PGA5: variants seen among roughly 807,000 people sequenced by gnomAD.
The protein encoded by PGA5 is pepsin A-5.
In PGA5, 19 loss-of-function variants were observed where a neutral mutation model predicts 15.9. The ratio of observed to expected loss-of-function variants is 1.19; its 90% CI spans 0.83 to 1.75. The LOEUF is 1.75. PGA5 is among the 40% of genes most tolerant of loss of function. The probability of loss-of-function intolerance (pLI) is 0.00; values close to 1 mark genes in which losing one functional copy is unlikely to be tolerated. For missense variants in PGA5, 224 were observed against 246.4 expected (o/e 0.91, Z 0.61); for synonymous variants, 92 against 95.8 (o/e 0.96, Z 0.23).
intron 5 of PGA5, among the ~76,000 whole-genome samples, chr11:61,247,507 G>C (rs2134704452): frequency 6.6e-6 from 1 of 152,070 alleles, no homozygotes; most frequent in South Asian, 2.1e-4. Context: ...TCCATCTCCT[G>C]ACCTCGTGAT....
chr11:61,250,103 G>A (rs1009077317), intron 8 of PGA5, 89 bp downstream of exon 8: 41 of 1,523,284 alleles, frequency 2.7e-5, no homozygotes, highest in Admixed American at 1.9e-4. Flanking sequence ...ACACTTCCAC[G>A]AGCTGAAGCC....
chr11:61,247,978 C>G, intron 5 of PGA5: 2 of 577,742 alleles, frequency 3.5e-6, no homozygotes, highest in Non-Finnish European at 6.2e-6. Context: ...CAAAATGTCT[C>G]CAGACATGCC....
At chr11:61,250,075 CT>C (rs1273548141) in intron 8 of PGA5, 61 bp downstream of exon 8, 4 of 1,575,232 alleles carry the variant, frequency 2.5e-6, no homozygotes, top group East Asian at 2.3e-5. Context: ...ACAGAGTCCC[CT>C]TCTGCAGAGG....
chr11:61,246,623 T>C (rs1445812639), intron 5 of PGA5, among the ~76,000 whole-genome samples: 3 of 151,636 alleles, frequency 2.0e-5, no homozygotes, highest in Admixed American at 2.0e-4. Context: ...ATTAGCCAGG[T>C]ATGATGGCAG....
At chr11:61,246,608 C>G (rs1284171613) in intron 5 of PGA5, among the ~76,000 whole-genome samples, 1 of 151,636 alleles carries the variant, frequency 6.6e-6, no homozygotes, top group African/African-American at 2.4e-5. Context: ...CTAAAAAATA[C>G]AAAAATTAGC....
At chr11:61,248,731 C>T (rs1854100663) in intron 6 of PGA5, among the ~76,000 whole-genome samples, 196 bp downstream of exon 6, 1 of 152,056 alleles carries the variant, frequency 6.6e-6, no homozygotes, top group African/African-American at 2.4e-5. Flanking sequence ...GAGGGAAGAG[C>T]TGTCTGGGAA....
At chr11:61,250,956 T>C (rs598225) in intron 8 of PGA5, among the ~76,000 whole-genome samples, 176 bp from the exon 9 acceptor site, 7,903 of 144,744 alleles carry the variant, frequency 0.055, 415 homozygotes, top group African/African-American at 0.081. Flanking sequence ...GTGCATTGGA[T>C]GGCTTCTACA....
chr11:61,251,420 A>T lies in PGA5; in HGVS notation c.*139A>T, dbSNP rs181222293. ...CTGTTCCCTGTCCTACCAATAACGT[A>T]GAATAAAAACATAACCCACTGAAAC... On this transcript the variant is annotated 3_prime_UTR_variant, in exon 9 of 9. Coordinates refer to ENST00000312403, the MANE Select transcript of PGA5 (RefSeq NM_014224.5). The T allele has an allele frequency of 0.035, 50,491 of 1,439,600 alleles. 1,044 individuals are homozygous for T. The highest frequency in any genetic ancestry group is 0.064 in the Middle Eastern group (246 of 3,820). 89.2% of individuals were successfully genotyped at this position (1,439,600 alleles called of 1,614,324 possible).
intron 6 of PGA5, chr11:61,249,445 G>A: frequency 1.2e-6 from 1 of 859,760 alleles, no homozygotes; most frequent in Non-Finnish European, 1.8e-6. Context: ...AGGCTGTCTT[G>A]TTTCGCTTGG....
Position 61,248,482 on chromosome 11 carries a change from T to C in PGA5, c.720T>C (p.Ser240=). ...GGIDSSYYTG[S]LNWVPVTVEG... Reference sequence around the variant, plus strand: ...TTGACTCTTCTTACTACACTGGAAGTCTGAACTGGGTGCCTGTTACCGTCG... The same window carrying C: ...TTGACTCTTCTTACTACACTGGAAGCCTGAACTGGGTGCCTGTTACCGTCG... The change falls in exon 6 of 9, where the codon AGT becomes AGC. Residue 240 remains serine, a synonymous_variant. Transcript: ENST00000312403. 4 of 1,613,626 alleles carry C rather than the reference T, an allele frequency of 2.5e-6. No individual in the cohort carries two copies. Among genetic ancestry groups the C allele is most frequent in the Non-Finnish European group, 3.4e-6 (4 of 1,179,870 alleles).
chr11:61,248,981 G>A (rs979961814), intron 6 of PGA5, among the ~76,000 whole-genome samples: 3 of 152,114 alleles, frequency 2.0e-5, no homozygotes, highest in African/African-American at 7.3e-5. Flanking sequence ...CCCCTTCGGG[G>A]CCTCCCCTGT....
intron 5 of PGA5, 25 bp from the exon 6 acceptor site, chr11:61,248,394 T>G: frequency 6.2e-7 from 1 of 1,613,828 alleles, no homozygotes; most frequent in Non-Finnish European, 8.5e-7. Flanking sequence ...AAAAAATTCA[T>G]GTCTTCTCCC....
intron 7 of PGA5, 37 bp downstream of exon 7, chr11:61,249,850 G>C: frequency 6.2e-6 from 10 of 1,613,718 alleles, no homozygotes; most frequent in Non-Finnish European, 8.5e-6. Context: ...CTACACTCAA[G>C]TAGTGGGTGT....
chr11:61,250,812 T>C, intron 8 of PGA5: 1 of 590,660 alleles, frequency 1.7e-6, no homozygotes, highest in Non-Finnish European at 3.2e-6. Flanking sequence ...GAGAAAAGGA[T>C]GTAGTGGCAG....
rs766801165 is a variant in PGA5, at chr11:61,248,475, C to G, written c.713C>G (p.Thr238Ser). The G allele has an allele frequency of 6.2e-7, 1 of 1,613,608 alleles. No homozygotes were observed. Among genetic ancestry groups the G allele is most frequent in the Non-Finnish European group, 8.5e-7 (1 of 1,179,864 alleles). ...GGTGGCATTGACTCTTCTTACTACA[C>G]TGGAAGTCTGAACTGGGTGCCTGTT... is the stretch of plus-strand genomic sequence containing the variant. The part of the protein sequence containing the change: ...IFGGIDSSYY[T>S]GSLNWVPVTV... Residue 238 changes from threonine (T) to serine (S), a missense_variant, in exon 6 of 9, where the codon ACT (threonine) becomes AGT (serine). By Grantham distance (58) the Thr-to-Ser change is moderately conservative. Coordinates refer to ENST00000312403, the MANE Select transcript of PGA5 (RefSeq NM_014224.5).
intron 8 of PGA5, among the ~76,000 whole-genome samples, chr11:61,250,479 A>G (rs4939511): frequency 0.17 from 25,023 of 148,390 alleles, 2,462 homozygotes; most frequent in African/African-American, 0.25. Flanking sequence ...TGGGGCTTCC[A>G]ACACTTCTAC....
At position 61,245,959 on chromosome 11, in the gene PGA5, C is replaced by T; in HGVS notation, c.470C>T (p.Ser157Phe). ...TTCCCCACCCAGGTTGGAGGCATCT[C>T]TGACACCAATCAGATCTTCGGCCTG... ...GYDTVQVGGI[S>F]DTNQIFGLSE... Residue 157 changes from serine to phenylalanine, a missense_variant, in exon 5 of 9, where the codon TCT (serine) becomes TTT (phenylalanine). Transcript: ENST00000312403. 7.8e-6 allele frequency: 2 copies of T among 256,298 alleles called. No homozygotes were observed. The highest frequency in any genetic ancestry group is 1.3e-5 in the Non-Finnish European group (2 of 148,166). 15.9% of individuals were successfully genotyped at this position (256,298 alleles called of 1,614,324 possible).
chr11:61,247,841 T>C lies in PGA5; in HGVS notation c.657-578T>C, dbSNP rs183102327. ...TTTCTCAATCTGGGCACTGTTAACA[T>C]TTCAGACCACCATAATTCCTTGCCG... is the stretch of plus-strand genomic sequence containing the variant. On this transcript the variant is annotated intron_variant, in intron 5 of 8. Transcript: ENST00000312403. 8.9e-4 allele frequency among the ~76,000 whole-genome samples: 135 copies of C among 152,086 alleles called. 1 individual carries two copies. In the Middle Eastern group the frequency reaches 0.01, roughly 11 times the overall value.
intron 6 of PGA5, 191 bp from the exon 7 acceptor site, chr11:61,249,478 G>T: frequency 5.3e-6 from 6 of 1,138,722 alleles, no homozygotes; most frequent in Non-Finnish European, 7.5e-6. Flanking sequence ...CTGGCAGAGG[G>T]TAGGCACTTG....
Sources: allele counts gnomAD v4.1 joint callset (sites outside exome capture counted in the v4.1 genomes callset), GRCh38; gene constraint gnomAD v4.1.1; transcripts MANE v1.5; gene names NCBI Gene and HGNC (gene_info 2026-07-23, HGNC 2026-07-21).